Variants in DNAH8 observed in about 807,000 individuals in gnomAD.
The protein encoded by DNAH8 is dynein axonemal heavy chain 8.
DNAH8 carries 382 observed loss-of-function variants against 562.1 expected under a neutral mutation model. The observed-to-expected ratio is 0.68, with a 90% CI of 0.63 to 0.74. The LOEUF (loss-of-function observed/expected upper bound fraction) is 0.74. Among genes scored for constraint, DNAH8 ranks in the 30% least tolerant of loss-of-function variants. The probability of loss-of-function intolerance (pLI) is 0.00; values close to 1 mark genes in which losing one functional copy is unlikely to be tolerated. For synonymous variants in DNAH8, 1,881 were observed against 1,919.4 expected (o/e 0.98, Z 0.52); for missense variants, 5,203 against 5,620.4 (o/e 0.93, Z 2.37).
intron 29 of DNAH8, among the ~76,000 whole-genome samples, chr6:38,827,774 T>C (rs2206862): frequency 8.0e-6 from 1 of 124,396 alleles, no homozygotes; most frequent in Non-Finnish European, 1.6e-5. Flanking sequence ...TTTTTTTTGG[T>C]GAAGACAATT....
rs981817469 is a variant in DNAH8 at position 39,025,368 on chromosome 6, G to T, written c.13715-1178G>T. On this transcript the variant is annotated intron_variant, in intron 91 of 92. Transcript: ENST00000327475. The stretch of plus-strand genomic sequence containing the variant: ...TCCCTCTGGACTGAGCTCCTTGAAT[G>T]TGGGGCCCATGGATGGCCTCTTCAT... Among the ~76,000 whole-genome samples, 9 of 152,312 alleles carry T rather than the reference G, an allele frequency of 5.9e-5. 1 individual carries two copies. In the South Asian group the frequency reaches 1.7e-3, roughly 28 times the overall value.
chr6:38,937,936 C>T (rs116592700), intron 77 of DNAH8, 38 bp from the exon 78 acceptor site: 8 of 1,599,734 alleles, frequency 5.0e-6, no homozygotes, highest in African/African-American at 2.7e-5. Context: ...GCAAGTTTCC[C>T]GTCTTGTGTA....
At chr6:38,775,044 G>A (rs1767929929) in intron 12 of DNAH8, among the ~76,000 whole-genome samples, 1 of 152,302 alleles carries the variant, frequency 6.6e-6, no homozygotes, top group Admixed American at 6.5e-5. Flanking sequence ...GTGGTATTTG[G>A]AAGATTCTCT....
chr6:38,969,870 T>C (rs1482436425), intron 82 of DNAH8, among the ~76,000 whole-genome samples: 3 of 152,090 alleles, frequency 2.0e-5, no homozygotes, highest in African/African-American at 7.2e-5. Context: ...TAATCTGATT[T>C]AGGGCTTGAG....
intron 62 of DNAH8, among the ~76,000 whole-genome samples, chr6:38,904,407 G>A (rs1447488506): frequency 6.6e-6 from 1 of 152,136 alleles, no homozygotes; most frequent in Non-Finnish European, 1.5e-5. Flanking sequence ...ATAGAGAAAG[G>A]GGGCTTGCGA....
intron 88 of DNAH8, among the ~76,000 whole-genome samples, chr6:39,001,217 A>G (rs1385016630): frequency 1.3e-5 from 2 of 151,860 alleles, no homozygotes; most frequent in Non-Finnish European, 2.9e-5. Context: ...AATCTACTTA[A>G]CCTACTCTAC....
At chr6:38,806,610 G>C (rs906023450) in intron 23 of DNAH8, among the ~76,000 whole-genome samples, 2 of 152,040 alleles carry the variant, frequency 1.3e-5, no homozygotes, top group African/African-American at 4.8e-5. Flanking sequence ...AATAGCCTCT[G>C]CCTCGCAAAT....
At chr6:38,780,110 G>GA (rs538246335) in intron 15 of DNAH8, 45 bp downstream of exon 15, 71 of 1,560,444 alleles carry the variant, frequency 4.5e-5, no homozygotes, top group Non-Finnish European at 5.2e-5. Context: ...AGCACAAAAA[G>GA]AAAAAAAATC....
intron 21 of DNAH8, among the ~76,000 whole-genome samples, chr6:38,799,088 G>A (rs139982904): frequency 2.3e-4 from 35 of 152,290 alleles, no homozygotes; most frequent in African/African-American, 8.4e-4. Flanking sequence ...CGTAGGGCGT[G>A]GCAGAGAAAA....
intron 82 of DNAH8, among the ~76,000 whole-genome samples, chr6:38,958,646 CAAAA>C (rs35382684): frequency 1.5e-4 from 9 of 58,888 alleles, no homozygotes; most frequent in African/African-American, 2.9e-4. Flanking sequence ...AGTCTCCCAT[CAAAA>C]AAAAAAAAAA....
intron 1 of DNAH8, among the ~76,000 whole-genome samples, chr6:38,715,686 C>A (rs970245608): frequency 6.6e-6 from 1 of 151,630 alleles, no homozygotes; most frequent in Admixed American, 6.6e-5. Context: ...CGCACGTTCT[C>A]ACCTATGAGT....
At chr6:38,811,162 A>C (rs997391024) in intron 24 of DNAH8, among the ~76,000 whole-genome samples, 6 of 152,230 alleles carry the variant, frequency 3.9e-5, no homozygotes, top group African/African-American at 1.4e-4. Flanking sequence ...AAAAAACCTC[A>C]GCAATTTTCC....
At chr6:38,763,558 G>T in intron 11 of DNAH8, 1 of 198,260 alleles carries the variant, frequency 5.0e-6, no homozygotes, top group Non-Finnish European at 1.0e-5. Flanking sequence ...TCATGTCTGT[G>T]ATTCTTGCAC....
At chr6:38,828,513 T>C (rs1773562217) in intron 30 of DNAH8, among the ~76,000 whole-genome samples, 1 of 152,206 alleles carries the variant, frequency 6.6e-6, no homozygotes, top group African/African-American at 2.4e-5. Context: ...TTGTCTAGAA[T>C]TGCCTTCAGC....
At chr6:39,012,710 T>A in intron 91 of DNAH8, 73 bp downstream of exon 91, 1 of 1,185,362 alleles carries the variant, frequency 8.4e-7, no homozygotes, top group Non-Finnish European at 1.3e-6. Flanking sequence ...GTGATAAATA[T>A]ATACCATATA....
chr6:38,816,787 A>G (rs6901200), intron 26 of DNAH8, among the ~76,000 whole-genome samples: 40,084 of 152,122 alleles, frequency 0.26, 5,588 homozygotes, highest in East Asian at 0.38. Context: ...TCTGTCTGGC[A>G]TGAGATGGTA....
rs754762132 is a variant in DNAH8 at position 38,863,843 on chromosome 6, A to T, written c.6311-30A>T. 4.5e-6 allele frequency: 7 copies of T among 1,560,276 alleles called. No individual in the cohort carries two copies. In the South Asian group the frequency reaches 6.1e-5, roughly 14 times the overall value. The stretch of plus-strand genomic sequence containing the variant: ...TCAAGAAGGTATATTATAGAGTAAA[A>T]CTTTACAAATTAACTGTTTTTCATG... On this transcript the variant is annotated intron_variant, in intron 44 of 92. Coordinates refer to ENST00000327475, the MANE Select transcript of DNAH8 (RefSeq NM_001206927.2).
intron 43 of DNAH8, 55 bp from the exon 44 acceptor site, chr6:38,862,225 A>T: frequency 2.0e-6 from 3 of 1,525,230 alleles, no homozygotes; most frequent in Non-Finnish European, 2.7e-6. Context: ...TGCTTGCGCC[A>T]TCCTGTAACG....
At chr6:38,834,045 A>G (rs1774077281) in intron 31 of DNAH8, among the ~76,000 whole-genome samples, 1 of 152,184 alleles carries the variant, frequency 6.6e-6, no homozygotes, top group South Asian at 2.1e-4. Context: ...GCCACCAGAC[A>G]CTGCTTTCTG....
Sources: allele counts gnomAD v4.1 joint callset (sites outside exome capture counted in the v4.1 genomes callset), GRCh38; gene constraint gnomAD v4.1.1; transcripts MANE v1.5; gene names NCBI Gene and HGNC (gene_info 2026-07-23, HGNC 2026-07-21).